Variants in MADD observed in about 807,000 individuals in gnomAD.
MADD encodes MAP kinase activating death domain.
MADD carries 109 observed loss-of-function variants against 176.7 expected under a neutral mutation model. The observed-to-expected ratio is 0.62, with a 90% CI of 0.53 to 0.72. The LOEUF (loss-of-function observed/expected upper bound fraction) is 0.72. Among genes scored for constraint, MADD ranks in the 30% least tolerant of loss-of-function variants. The pLI is 0.00. For missense variants in MADD, 1,914 were observed against 2,045.5 expected, an observed-to-expected ratio of 0.94 and a Z score of 1.24; for synonymous variants, 771 against 771.3, an observed-to-expected ratio of 1.00 and a Z score of 0.01.
intron 14 of MADD, 128 bp from the exon 15 acceptor site, chr11:47,286,305 G>T: frequency 1.4e-6 from 1 of 716,752 alleles, no homozygotes. Flanking sequence ...ACAGATCAGA[G>T]ATGATCTGAT....
chr11:47,317,583 C>A (rs1407795683), intron 27 of MADD, among the ~76,000 whole-genome samples: 1 of 152,022 alleles, frequency 6.6e-6, no homozygotes, highest in Admixed American at 6.6e-5. Flanking sequence ...CTTTCAGATT[C>A]ACTCTTTTGG....
chr11:47,269,906 G>A (rs1250724304), upstream of MADD: 1 of 152,142 alleles, frequency 6.6e-6, no homozygotes. Flanking sequence ...CCAAACAGAA[G>A]GTACTGCTGT....
intron 7 of MADD, among the ~76,000 whole-genome samples, chr11:47,279,826 A>T (rs1160701419): frequency 1.3e-5 from 2 of 151,890 alleles, no homozygotes; most frequent in Admixed American, 6.6e-5. Context: ...TAATCCCAGC[A>T]CTTTGGGAGG....
At chr11:47,275,116 C>T (rs780414854) in exon 3 of MADD, 13 of 1,613,946 alleles carry the variant, frequency 8.1e-6, no homozygotes, top group South Asian at 5.5e-5. Context: ...CTGTAGTGAG[C>T]GCCTTCTGGG....
At chr11:47,287,535 G>T (rs982241876) in intron 15 of MADD, among the ~76,000 whole-genome samples, 2 of 151,976 alleles carry the variant, frequency 1.3e-5, no homozygotes, top group African/African-American at 4.8e-5. Flanking sequence ...TCAGCCTCCC[G>T]TGTAGTTGGA....
chr11:47,297,364 C>G (rs1258401940), intron 22 of MADD, among the ~76,000 whole-genome samples: 1 of 152,078 alleles, frequency 6.6e-6, no homozygotes, highest in East Asian at 1.9e-4. Context: ...CCTTAACTCT[C>G]TCTCAGTCTG....
chr11:47,328,560 A>G, intron 31 of MADD, 98 bp from the exon 36 acceptor site: 1 of 1,573,862 alleles, frequency 6.4e-7, no homozygotes, highest in Non-Finnish European at 8.6e-7. Context: ...ACAGAGGGGA[A>G]GGGGACCCTG....
chr11:47,285,482 A>G, exon 14 of MADD: 1 of 1,614,188 alleles, frequency 6.2e-7, no homozygotes, highest in Non-Finnish European at 8.5e-7. Context: ...CAACAGCTTG[A>G]GACTGGCAAG....
Position 47,296,065 on chromosome 11 carries a change from G to C in MADD, c.3642+10G>C. 1 of 1,604,584 alleles carries C rather than the reference G, an allele frequency of 6.2e-7. No homozygotes were observed. ...CACAAGCACCATCTTTGTAAGCTTTGTTTATTAACAAAAGAAAACCATTTC... is the reference window on the plus strand; with the variant it reads ...CACAAGCACCATCTTTGTAAGCTTTCTTTATTAACAAAAGAAAACCATTTC... On this transcript the variant is annotated intron_variant, in intron 22 of 32. Coordinates refer to ENST00000402192, the Ensembl canonical transcript of MADD.
chr11:47,282,387 C>G (rs1009665889), exon 9 of MADD: 1 of 1,614,070 alleles, frequency 6.2e-7, no homozygotes, highest in Non-Finnish European at 8.5e-7. Flanking sequence ...CCAGGGTTGC[C>G]ATGGTACGGT....
rs544213854 is a variant in MADD at position 47,276,830 on chromosome 11, G to A, written c.1062G>A (p.Pro354=). Residue 354 remains proline, a synonymous_variant, in exon 5 of 33, where the codon CCG becomes CCA. Coordinates refer to ENST00000402192, the Ensembl canonical transcript of MADD. ...TGGAGTATATGTTTCCTGTCATCCC[G>A]CTGCTACCCACCTGCATGGCATCAG... The A allele has an allele frequency of 3.4e-5, 55 of 1,614,086 alleles. No homozygotes were observed. Among genetic ancestry groups the A allele is most frequent in the Middle Eastern group, 1.6e-4 (1 of 6,062 alleles).
At chr11:47,272,768 C>A (rs1352842938) in intron 1 of MADD, among the ~76,000 whole-genome samples, 1 of 152,190 alleles carries the variant, frequency 6.6e-6, no homozygotes. Flanking sequence ...CCTGTCCTTG[C>A]AGAAATCCTG....
intron 27 of MADD, among the ~76,000 whole-genome samples, chr11:47,321,928 A>G (rs1303603446): frequency 6.6e-6 from 1 of 152,164 alleles, no homozygotes; most frequent in South Asian, 2.1e-4. Context: ...GAGGTGCTAC[A>G]TGTGAAGCAT....
chr11:47,300,984 T>G (rs531423384), intron 22 of MADD, among the ~76,000 whole-genome samples: 1 of 152,240 alleles, frequency 6.6e-6, no homozygotes, highest in Non-Finnish European at 1.5e-5. Flanking sequence ...TGTTTACTTT[T>G]TTGTTTTTGG....
chr11:47,291,159 G>A (rs2064901727), intron 19 of MADD, among the ~76,000 whole-genome samples: 1 of 152,114 alleles, frequency 6.6e-6, no homozygotes, highest in Admixed American at 6.5e-5. Flanking sequence ...AAGTGCTCAG[G>A]AAGTTTATAG....
chr11:47,316,685 G>A (rs996316119), intron 27 of MADD, among the ~76,000 whole-genome samples: 4 of 151,968 alleles, frequency 2.6e-5, no homozygotes, highest in Admixed American at 2.0e-4. Context: ...CGGTGCACCC[G>A]GCCTTCCAGT....
exon 28 of MADD, chr11:47,323,820 G>A (rs1233707098): frequency 6.2e-7 from 1 of 1,614,174 alleles, no homozygotes; most frequent in East Asian, 2.2e-5. Flanking sequence ...AGCTCAACAA[G>A]TTCTATACTA....
intron 22 of MADD, among the ~76,000 whole-genome samples, chr11:47,304,094 T>C (rs2080409729): frequency 6.6e-6 from 1 of 152,212 alleles, no homozygotes; most frequent in Admixed American, 6.5e-5. Context: ...TGAGATCCCC[T>C]AAGTGTTGTA....
chr11:47,310,655 A>T (rs767263489), intron 25 of MADD, among the ~76,000 whole-genome samples: 2 of 151,926 alleles, frequency 1.3e-5, no homozygotes, highest in Non-Finnish European at 2.9e-5. Flanking sequence ...CCTGTAATCC[A>T]AGCACTTTGG....
Sources: allele counts gnomAD v4.1 joint callset (sites outside exome capture counted in the v4.1 genomes callset), GRCh38; gene constraint gnomAD v4.1.1; transcripts MANE v1.5; gene names NCBI Gene and HGNC (gene_info 2026-07-23, HGNC 2026-07-21).